CNTNAP2: variants seen among roughly 807,000 people sequenced by gnomAD.
CNTNAP2 encodes contactin-associated protein-like 2.
A neutral mutation model predicts 155.2 loss-of-function variants in CNTNAP2; 98 were observed. The ratio of observed to expected loss-of-function variants is 0.63; its 90% CI spans 0.54 to 0.75. CNTNAP2 has a LOEUF of 0.75. Among genes scored for constraint, CNTNAP2 ranks in the 30% least tolerant of loss-of-function variants. The pLI is 0.00. For missense variants in CNTNAP2, 1,727 were observed against 1,688.1 expected, an observed-to-expected ratio of 1.02 and a Z score of -0.40; for synonymous variants, 651 against 631.2, an observed-to-expected ratio of 1.03 and a Z score of -0.47.
chr7:148,010,157 G>T (rs1802051649), intron 15 of CNTNAP2, among the ~76,000 whole-genome samples: 1 of 151,820 alleles, frequency 6.6e-6, no homozygotes, highest in Non-Finnish European at 1.5e-5. Flanking sequence ...GGGTTTTCTT[G>T]ATTAAGGGTG....
At chr7:146,846,918 T>C (rs1803852002) in intron 3 of CNTNAP2, among the ~76,000 whole-genome samples, 1 of 149,524 alleles carries the variant, frequency 6.7e-6, no homozygotes, top group Non-Finnish European at 1.5e-5. Context: ...ATTATTCTTC[T>C]AATGTTTAAA....
chr7:147,350,929 C>T (rs1053541375), intron 9 of CNTNAP2, among the ~76,000 whole-genome samples: 1 of 151,494 alleles, frequency 6.6e-6, no homozygotes, highest in African/African-American at 2.4e-5. Flanking sequence ...TTTAGAAAAC[C>T]CTCCACAAAT....
At chr7:147,970,749 T>C (rs1457074881) in intron 14 of CNTNAP2, among the ~76,000 whole-genome samples, 1 of 152,190 alleles carries the variant, frequency 6.6e-6, no homozygotes, top group Non-Finnish European at 1.5e-5. Flanking sequence ...CAGAATTTTA[T>C]TGTTAAGCTT....
chr7:146,244,376 G>A (rs1161804088), intron 1 of CNTNAP2, among the ~76,000 whole-genome samples: 3 of 151,190 alleles, frequency 2.0e-5, no homozygotes, highest in African/African-American at 7.4e-5. Context: ...ACACAAGATA[G>A]TAGGAATGAC....
intron 11 of CNTNAP2, among the ~76,000 whole-genome samples, chr7:147,524,692 C>A (rs1251630156): frequency 6.6e-6 from 1 of 152,144 alleles, no homozygotes. Context: ...TCTCAGTGGA[C>A]CTCAAAGCAG....
At chr7:146,670,373 CT>C (rs1222951382) in intron 1 of CNTNAP2, among the ~76,000 whole-genome samples, 1 of 152,098 alleles carries the variant, frequency 6.6e-6, no homozygotes, top group Non-Finnish European at 1.5e-5. Flanking sequence ...ATGCCATGGA[CT>C]TTTTTTCTGT....
chr7:147,055,696 T>A (rs1799549001), intron 4 of CNTNAP2, among the ~76,000 whole-genome samples: 1 of 152,126 alleles, frequency 6.6e-6, no homozygotes. Flanking sequence ...GGATTTGTTG[T>A]ATCAAGAGAG....
chr7:147,675,013 C>T (rs1165319155), intron 13 of CNTNAP2, among the ~76,000 whole-genome samples: 1 of 151,844 alleles, frequency 6.6e-6, no homozygotes, highest in Non-Finnish European at 1.5e-5. Context: ...AACTTTGTGT[C>T]TTAAAACAAC....
intron 22 of CNTNAP2, among the ~76,000 whole-genome samples, chr7:148,387,436 T>G (rs1380244601): frequency 6.6e-6 from 1 of 152,152 alleles, no homozygotes; most frequent in Admixed American, 6.6e-5. Context: ...CTTGAGTCTG[T>G]GTAGGGTTAG....
chr7:146,506,888 C>G (rs1049275661), intron 1 of CNTNAP2, among the ~76,000 whole-genome samples: 4 of 152,162 alleles, frequency 2.6e-5, no homozygotes, highest in Non-Finnish European at 5.9e-5. Context: ...TCCTGTCTAC[C>G]ATGCCTCATC....
At chr7:146,623,140 G>A (rs1032620755) in intron 1 of CNTNAP2, among the ~76,000 whole-genome samples, 5 of 151,974 alleles carry the variant, frequency 3.3e-5, no homozygotes, top group African/African-American at 1.2e-4. Context: ...CTCTAGTCTT[G>A]CAAACTCTAT....
At chr7:147,589,262 T>C (rs547556726) in intron 12 of CNTNAP2, among the ~76,000 whole-genome samples, 3 of 152,218 alleles carry the variant, frequency 2.0e-5, no homozygotes, top group Non-Finnish European at 4.4e-5. Flanking sequence ...GAACTCAAGT[T>C]TGGTGAAAAT....
intron 13 of CNTNAP2, among the ~76,000 whole-genome samples, chr7:147,689,151 CTTTT>C (rs5888280): frequency 7.2e-6 from 1 of 139,490 alleles, no homozygotes; most frequent in Non-Finnish European, 1.6e-5. Context: ...ATAATTACTA[CTTTT>C]TTTTTTTTTT....
chr7:146,227,740 G>A (rs958474999), intron 1 of CNTNAP2, among the ~76,000 whole-genome samples: 1 of 152,126 alleles, frequency 6.6e-6, no homozygotes, highest in Non-Finnish European at 1.5e-5. Context: ...GGATAATAGA[G>A]AGAGGGAGAA....
chr7:147,309,043 T>G (rs572045107), intron 9 of CNTNAP2, among the ~76,000 whole-genome samples: 4 of 152,188 alleles, frequency 2.6e-5, no homozygotes, highest in Non-Finnish European at 4.4e-5. Context: ...AAGCATATAC[T>G]TCCACCTTGA....
intron 1 of CNTNAP2, among the ~76,000 whole-genome samples, chr7:146,367,304 C>T (rs1322888174): frequency 1.3e-5 from 2 of 152,134 alleles, no homozygotes; most frequent in African/African-American, 2.4e-5. Flanking sequence ...AACCTACTCA[C>T]TTATCTTGTA....
Position 148,147,639 on chromosome 7 carries a change from A to G in CNTNAP2, c.2703A>G (p.Leu901=), listed in dbSNP as rs1805213957. ...VKQASLQVDR[L]PQQIRKAPTE... is the part of the protein sequence containing the mutation. ...AGGCCAGCCTACAGGTGGACCGGCT[A>G]CCGCAGCAGATCCGCAAGGCCCCAA... The change falls in exon 17 of 24, where the codon CTA becomes CTG. Residue 901 remains leucine, a synonymous_variant. Coordinates refer to ENST00000361727, the MANE Select transcript of CNTNAP2 (RefSeq NM_014141.6). The G allele has an allele frequency of 1.9e-6, 3 of 1,614,018 alleles. No homozygotes were observed. The highest frequency in any genetic ancestry group is 2.5e-6 in the Non-Finnish European group (3 of 1,180,032).
At chr7:147,490,288 T>C (rs1584767181) in intron 11 of CNTNAP2, among the ~76,000 whole-genome samples, 1 of 152,166 alleles carries the variant, frequency 6.6e-6, no homozygotes, top group Admixed American at 6.5e-5. Flanking sequence ...GGTCCTGACA[T>C]TGCCAAATAA....
Position 146,841,667 on chromosome 7 carries a change from T to C in CNTNAP2, c.402+1763T>C, listed in dbSNP as rs1276911520. Among the ~76,000 whole-genome samples the C allele has an allele frequency of 7.9e-5, 12 of 152,304 alleles. No homozygotes were observed. In the South Asian group the frequency reaches 2.3e-3, roughly 29 times the overall value. On this transcript the variant is annotated intron_variant, in intron 3 of 23. Coordinates refer to ENST00000361727, the MANE Select transcript of CNTNAP2 (RefSeq NM_014141.6). ...ACTGTTCTCTATATCAGAACAGAAATACTGTTCACATTTTTGTATTTGTAA... is the reference window on the plus strand; with the variant it reads ...ACTGTTCTCTATATCAGAACAGAAACACTGTTCACATTTTTGTATTTGTAA...
Sources: gnomAD v4.1 joint callset for allele counts (sites outside exome capture counted in the v4.1 genomes callset) on GRCh38, gnomAD v4.1.1 for gene constraint, MANE v1.5 for transcripts, NCBI Gene and HGNC (gene_info 2026-07-23, HGNC 2026-07-21) for gene names.